Variants in RBFOX1 observed in about 807,000 individuals in gnomAD.
RBFOX1 encodes the protein RNA binding protein fox-1 homolog 1.
Under a neutral mutation model 57.7 loss-of-function variants are expected in RBFOX1, and 8 were observed. That is an observed-to-expected ratio of 0.14 (90% CI 0.08 to 0.25). The LOEUF is 0.25. RBFOX1 is among the 10% of genes least tolerant of loss of function. RBFOX1 has a pLI of 1.00. For synonymous variants in RBFOX1, 326 were observed against 222.4 expected, an observed-to-expected ratio of 1.47 and a Z score of -4.15; for missense variants, 611 against 548.5, an observed-to-expected ratio of 1.11 and a Z score of -1.14.
intron 2 of RBFOX1, among the ~76,000 whole-genome samples, chr16:5,548,555 C>T (rs1200711223): frequency 6.6e-6 from 1 of 151,900 alleles, no homozygotes; most frequent in African/African-American, 2.4e-5. Flanking sequence ...GGGATGGATA[C>T]CCCATTCTCC....
intron 2 of RBFOX1, among the ~76,000 whole-genome samples, chr16:5,552,847 GA>G (rs1302826104): frequency 1.4e-5 from 2 of 140,360 alleles, no homozygotes; most frequent in Admixed American, 7.2e-5. Flanking sequence ...GGAAACGAGG[GA>G]AAAGGGAGAA....
At chr16:7,676,339 G>C (rs950059197) in intron 13 of RBFOX1, among the ~76,000 whole-genome samples, 1 of 152,126 alleles carries the variant, frequency 6.6e-6, no homozygotes, top group Non-Finnish European at 1.5e-5. Flanking sequence ...AGACAGGAAA[G>C]CATTCACTTT....
chr16:6,304,541 G>A (rs145036121), intron 1 of RBFOX1, among the ~76,000 whole-genome samples: 96 of 152,158 alleles, frequency 6.3e-4, no homozygotes, highest in African/African-American at 2.0e-3. Flanking sequence ...GAGGAGGGGA[G>A]ACGAATGGCT....
At chr16:7,347,938 G>GC (rs2097049640) in intron 4 of RBFOX1, among the ~76,000 whole-genome samples, 1 of 152,178 alleles carries the variant, frequency 6.6e-6, no homozygotes, top group Admixed American at 6.5e-5. Context: ...ACTCATTCAT[G>GC]CTAGTGCCTT....
chr16:5,902,550 G>C (rs990976222), intron 4 of RBFOX1, among the ~76,000 whole-genome samples: 8 of 152,022 alleles, frequency 5.3e-5, no homozygotes, highest in Non-Finnish European at 1.0e-4. Flanking sequence ...CGAGTAGCTG[G>C]GATTGCAGGT....
chr16:5,513,464 C>G (rs1597362829), intron 2 of RBFOX1, among the ~76,000 whole-genome samples: 5 of 152,166 alleles, frequency 3.3e-5, no homozygotes, highest in South Asian at 2.1e-4. Context: ...TCAGGTTCCT[C>G]TGCTGTAAAT....
chr16:5,478,403 T>C (rs1228422543), intron 2 of RBFOX1, among the ~76,000 whole-genome samples: 1 of 152,066 alleles, frequency 6.6e-6, no homozygotes, highest in African/African-American at 2.4e-5. Flanking sequence ...GTTATTTAAT[T>C]TGGAATCAGA....
intron 4 of RBFOX1, among the ~76,000 whole-genome samples, chr16:7,308,929 C>G (rs1306397476): frequency 6.6e-6 from 1 of 152,132 alleles, no homozygotes; most frequent in Non-Finnish European, 1.5e-5. Context: ...TATAGGGGGC[C>G]AAATGGAATT....
intron 2 of RBFOX1, among the ~76,000 whole-genome samples, chr16:6,650,562 G>T (rs2098579480): frequency 6.6e-6 from 1 of 152,170 alleles, no homozygotes; most frequent in Non-Finnish European, 1.5e-5. Context: ...TTTAGAGACA[G>T]TACGAAAAAC....
At chr16:7,709,002 A>G (rs891456069) in intron 14 of RBFOX1, 54 bp from the exon 15 acceptor site, 2 of 1,515,126 alleles carry the variant, frequency 1.3e-6, no homozygotes, top group Non-Finnish European at 1.8e-6. Flanking sequence ...TATGATTGTT[A>G]TTGTTTTGTA....
chr16:7,341,523 A>G (rs1463406669), intron 4 of RBFOX1, among the ~76,000 whole-genome samples: 2 of 152,146 alleles, frequency 1.3e-5, no homozygotes, highest in African/African-American at 4.8e-5. Context: ...CTGTTTGAAG[A>G]TAGAACTCTT....
intron 4 of RBFOX1, among the ~76,000 whole-genome samples, chr16:7,158,892 CGTGT>C (rs1320356008): frequency 2.0e-5 from 3 of 152,002 alleles, no homozygotes; most frequent in African/African-American, 7.2e-5. Flanking sequence ...TCTTTGCACA[CGTGT>C]GTGTAATTAT....
At chr16:6,662,471 T>G (rs148462310) in intron 3 of RBFOX1, among the ~76,000 whole-genome samples, 47 of 152,292 alleles carry the variant, frequency 3.1e-4, no homozygotes, top group African/African-American at 9.9e-4. Context: ...GAGGAACACA[T>G]TTTCCTGCAG....
chr16:6,796,216 G>A (rs990178248), intron 3 of RBFOX1, among the ~76,000 whole-genome samples: 4 of 152,066 alleles, frequency 2.6e-5, no homozygotes, highest in African/African-American at 9.7e-5. Context: ...TATCTGAAGA[G>A]ACTTATTCAC....
intron 1 of RBFOX1, among the ~76,000 whole-genome samples, chr16:6,141,312 G>C (rs867178117): frequency 4.6e-5 from 7 of 152,110 alleles, no homozygotes; most frequent in Admixed American, 3.9e-4. Context: ...CTTTTACAAG[G>C]GCGATACGGA....
intron 3 of RBFOX1, among the ~76,000 whole-genome samples, chr16:5,695,885 G>A (rs966823187): frequency 6.6e-6 from 1 of 151,988 alleles, no homozygotes; most frequent in Non-Finnish European, 1.5e-5. Context: ...ATATATGTGT[G>A]GATCAGAACA....
chr16:5,300,437 A>C (rs902648303), intron 1 of RBFOX1, among the ~76,000 whole-genome samples: 1 of 152,156 alleles, frequency 6.6e-6, no homozygotes, highest in Non-Finnish European at 1.5e-5. Context: ...GAGTGCATCA[A>C]AATCTCAGAA....
In RBFOX1 at chr16:7,506,579, TTCA is replaced by T. The variant is rs796170479; in HGVS notation, c.28-11543_28-11541del. ...CACCATCACCATTATTACCATCACC[TTCA>T]TCATCATCATCATCATCATCATCAC... On this transcript the variant is annotated intron_variant, in intron 4 of 15. Coordinates refer to ENST00000550418, the MANE Select transcript of RBFOX1 (RefSeq NM_018723.4). Among the ~76,000 whole-genome samples the T allele has an allele frequency of 5.6e-3, 814 of 146,328 alleles. 7 individuals carry two copies. Among genetic ancestry groups the T allele is most frequent in the African/African-American group, 0.019 (718 of 38,570 alleles).
intron 3 of RBFOX1, among the ~76,000 whole-genome samples, chr16:5,801,876 T>G (rs751875127): frequency 2.6e-5 from 4 of 152,190 alleles, no homozygotes; most frequent in African/African-American, 4.8e-5. Context: ...AAGTTGTGTA[T>G]GCAGGGCAGC....
Sources: allele counts gnomAD v4.1 joint callset (sites outside exome capture counted in the v4.1 genomes callset), GRCh38; gene constraint gnomAD v4.1.1; transcripts MANE v1.5; gene names NCBI Gene and HGNC (gene_info 2026-07-23, HGNC 2026-07-21).